Variants in PHF6 observed in about 807,000 individuals in gnomAD.
PHF6 encodes PHD finger protein 6, also known as PHD-like zinc finger protein.
Under a neutral mutation model 34.0 loss-of-function variants are expected in PHF6, and 7 were observed. That is an observed-to-expected ratio of 0.21 (90% CI 0.12 to 0.39). The LOEUF is 0.39. Ranked by LOEUF, PHF6 falls within the 10% of genes least tolerant of loss-of-function variation. The pLI, the probability that PHF6 is intolerant of heterozygous loss-of-function variation, is 1.00. For synonymous variants in PHF6, 89 were observed against 88.4 expected (o/e 1.01, Z -0.04); for missense variants, 128 against 262.8 (o/e 0.49, Z 3.55).
intron 3 of PHF6, among the ~76,000 whole-genome samples, chrX:134,380,012 A>G (rs1287846055): frequency 8.9e-6 from 1 of 112,087 alleles, no homozygotes; most frequent in Non-Finnish European, 1.9e-5. Context: ...CAGCTTGTAT[A>G]GTCAGAACAA....
intron 1 of PHF6, among the ~76,000 whole-genome samples, chrX:134,377,067 T>A (rs2124197462): frequency 8.9e-6 from 1 of 111,845 alleles, no homozygotes; most frequent in South Asian, 3.7e-4. Context: ...GGGCACCTAG[T>A]TACACATGAA....
At chrX:134,395,375 T>G (rs2077373218) in intron 5 of PHF6, among the ~76,000 whole-genome samples, 1 of 112,504 alleles carries the variant, frequency 8.9e-6, no homozygotes, top group African/African-American at 3.2e-5. Flanking sequence ...CTTAAATTTA[T>G]ATAAAACCAG....
At chrX:134,421,083 G>A (rs1314279323) in intron 9 of PHF6, among the ~76,000 whole-genome samples, 1 of 111,099 alleles carries the variant, frequency 9.0e-6, no homozygotes, top group East Asian at 2.8e-4. Context: ...TTTAATGGTT[G>A]TGTTTACCTT....
At position 134,402,703 on chromosome X, in the gene PHF6, T is replaced by G. The variant is rs552927102; in HGVS notation, c.418+8751T>G. ...TATTGTGCTTCACAGATAACTGCATTTTTTACAAATTGAAGGTTTGTGGCA... is the reference window on the plus strand; with the variant it reads ...TATTGTGCTTCACAGATAACTGCATGTTTTACAAATTGAAGGTTTGTGGCA... On this transcript the variant is annotated intron_variant, in intron 5 of 10. Transcript: ENST00000370803. Among the ~76,000 whole-genome samples the G allele has an allele frequency of 7.1e-4, 80 of 112,582 alleles. 1 individual carries two copies. In the South Asian group the frequency reaches 0.027, roughly 38 times the overall value.
Position 134,377,999 on chromosome X carries a change from T to C in PHF6, c.139-6T>C, listed in dbSNP as rs1333583359. The C allele has an allele frequency of 8.6e-7, 1 of 1,166,370 alleles. No individual in the cohort carries two copies. The highest frequency in any genetic ancestry group is 3.0e-5 in the East Asian group (1 of 33,352). On this transcript the variant is annotated splice_polypyrimidine_tract_variant and splice_region_variant and intron_variant, in intron 2 of 10. Transcript: ENST00000370803. ...AACCTTAATTTTTTTTAAATGTAAT[T>C]TATAGCTCTTTTCATCTGCTTTGGT...
intron 5 of PHF6, among the ~76,000 whole-genome samples, chrX:134,396,592 A>G (rs939614254): frequency 4.5e-5 from 5 of 111,279 alleles, no homozygotes; most frequent in African/African-American, 1.6e-4. Context: ...TCTATAGAAC[A>G]ATGGGCGGGG....
At chrX:134,398,020 A>C (rs1467376608) in intron 5 of PHF6, among the ~76,000 whole-genome samples, 1 of 112,322 alleles carries the variant, frequency 8.9e-6, no homozygotes, top group East Asian at 2.8e-4. Context: ...CATTCTATGC[A>C]GAAGGAACAG....
intron 3 of PHF6, among the ~76,000 whole-genome samples, chrX:134,387,209 T>G (rs747965783): frequency 8.9e-6 from 1 of 111,980 alleles, no homozygotes; most frequent in East Asian, 2.8e-4. Flanking sequence ...AAAGAGAAAC[T>G]TGGAAGTGTA....
Position 134,417,300 on chromosome X carries a change from C to T in PHF6, c.966C>T (p.Tyr322=). 8.3e-7 allele frequency: 1 copy of T among 1,208,415 alleles called. No individual in the cohort carries two copies. The highest frequency in any genetic ancestry group is 1.1e-6 in the Non-Finnish European group (1 of 893,583). ...TTGAAAATATGTCACGAGGAATTTA[C>T]AAGTAAGAAAACAACAGTTGTCTAT... ...KYIENMSRGI[Y]KLYCKNHSGN... is the part of the protein sequence containing the mutation. The change falls in exon 9 of 11, where the codon TAC becomes TAT. Residue 322 remains tyrosine (Y), a splice_region_variant and synonymous_variant. Transcript: ENST00000370803.
At chrX:134,392,570 C>G (rs144469523) in intron 3 of PHF6, among the ~76,000 whole-genome samples, 3,021 of 111,356 alleles carry the variant, frequency 0.027, 113 homozygotes, top group African/African-American at 0.093. Context: ...ATCTGTTTGC[C>G]TGAATTCATA....
Position 134,427,015 on chromosome X carries a change from A to C in PHF6, c.*1355A>C, listed in dbSNP as rs763701752. On this transcript the variant is annotated 3_prime_UTR_variant, in exon 11 of 11. Transcript: ENST00000370803. ...GATATTCTGCAGCTGATAGAGCAGC[A>C]TTTTAAAAATGTAACAGGTGGAAAA... 1 of 162,692 alleles carries C rather than the reference A, an allele frequency of 6.1e-6. No homozygotes were observed. Among genetic ancestry groups the C allele is most frequent in the South Asian group, 3.3e-4 (1 of 3,037 alleles). The allele number at this position is 162,692 out of a possible 1,213,427, so 13.4% of individuals were successfully genotyped here. A position where few individuals can be genotyped will look rare whatever the true frequency, so the allele number is the denominator to read the frequency against.
At chrX:134,379,459 T>TG (rs2077296023) in intron 3 of PHF6, among the ~76,000 whole-genome samples, 1 of 78,531 alleles carries the variant, frequency 1.3e-5, no homozygotes, top group African/African-American at 4.7e-5. Context: ...TTTTTTTTTT[T>TG]GAGACAGAGT....
chrX:134,381,954 T>G (rs2077309430), intron 3 of PHF6, among the ~76,000 whole-genome samples: 1 of 111,679 alleles, frequency 9.0e-6, no homozygotes, highest in South Asian at 3.7e-4. Context: ...AATCTGTACC[T>G]GGTGTTGACT....
intron 3 of PHF6, among the ~76,000 whole-genome samples, chrX:134,389,777 AC>A (rs773919212): frequency 1.8e-5 from 2 of 111,321 alleles, no homozygotes; most frequent in Non-Finnish European, 3.8e-5. Context: ...CCCCAATTTC[AC>A]CATTCCCAGT....
At chrX:134,415,322 A>G (rs750418585) in intron 8 of PHF6, 9 of 608,107 alleles carry the variant, frequency 1.5e-5, no homozygotes, top group Middle Eastern at 5.4e-4. Context: ...TCATTACTTT[A>G]AGAGAATTAT....
At chrX:134,403,679 A>G (rs1190471860) in intron 5 of PHF6, among the ~76,000 whole-genome samples, 3 of 112,082 alleles carry the variant, frequency 2.7e-5, no homozygotes, top group Non-Finnish European at 3.8e-5. Flanking sequence ...AGAGATGTCA[A>G]TGCCTGGCCT....
At chrX:134,414,850 A>G (rs977390251) in intron 7 of PHF6, among the ~76,000 whole-genome samples, 166 bp from the exon 8 acceptor site, 6 of 112,227 alleles carry the variant, frequency 5.3e-5, no homozygotes, top group African/African-American at 1.6e-4. Context: ...TTTTGGTTAT[A>G]TTTTAATCAG....
intron 3 of PHF6, among the ~76,000 whole-genome samples, chrX:134,388,632 T>C (rs1318910454): frequency 8.9e-6 from 1 of 111,868 alleles, no homozygotes; most frequent in Non-Finnish European, 1.9e-5. Context: ...CAGCCTTTCC[T>C]CCATCAGTTC....
chrX:134,401,454 ATAAT>A (rs1018081060), intron 5 of PHF6, among the ~76,000 whole-genome samples: 7 of 111,684 alleles, frequency 6.3e-5, no homozygotes, highest in East Asian at 5.6e-4. Flanking sequence ...GGGGGAGGAC[ATAAT>A]TAAGTGACAG....
Sources: allele counts gnomAD v4.1 joint callset (sites outside exome capture counted in the v4.1 genomes callset), GRCh38; gene constraint gnomAD v4.1.1; transcripts MANE v1.5; gene names NCBI Gene and HGNC (gene_info 2026-07-23, HGNC 2026-07-21).